Variants in EVC2 observed in about 807,000 individuals in gnomAD.
EVC2 encodes EvC ciliary complex subunit 2.
In EVC2, 148 loss-of-function variants were observed where a neutral mutation model predicts 149.3. The ratio of observed to expected loss-of-function variants is 0.99; its 90% CI spans 0.87 to 1.14. EVC2 has a LOEUF of 1.14. Among genes scored for constraint, EVC2 ranks in the 50% most tolerant of loss-of-function variants. The probability of loss-of-function intolerance (pLI) is 0.00; values close to 1 mark genes in which losing one functional copy is unlikely to be tolerated. For missense variants in EVC2, 1,854 were observed against 1,627.3 expected (o/e 1.14, Z -2.40); for synonymous variants, 776 against 649.9 (o/e 1.19, Z -2.95).
At chr4:5,592,502 C>T (rs1712900341) in intron 16 of EVC2, among the ~76,000 whole-genome samples, 1 of 152,170 alleles carries the variant, frequency 6.6e-6, no homozygotes, top group Non-Finnish European at 1.5e-5. Flanking sequence ...AGGTGGCCAT[C>T]AGGTGATGGT....
chr4:5,602,359 A>G (rs1714057006), intron 16 of EVC2, among the ~76,000 whole-genome samples: 2 of 151,462 alleles, frequency 1.3e-5, no homozygotes, highest in African/African-American at 4.8e-5. Context: ...ATAGAAAAGT[A>G]ACTAAAAAGG....
At chr4:5,634,408 T>A (rs1716755496) in intron 10 of EVC2, among the ~76,000 whole-genome samples, 1 of 152,176 alleles carries the variant, frequency 6.6e-6, no homozygotes, top group African/African-American at 2.4e-5. Flanking sequence ...AAAGCGACCT[T>A]CTTTTTTTGA....
intron 21 of EVC2, among the ~76,000 whole-genome samples, chr4:5,557,226 T>C (rs1721855047): frequency 6.6e-6 from 1 of 152,174 alleles, no homozygotes; most frequent in Non-Finnish European, 1.5e-5. Flanking sequence ...TGATACACCA[T>C]GACCAAGTGG....
At chr4:5,575,070 A>T (rs1722843142) in intron 18 of EVC2, among the ~76,000 whole-genome samples, 1 of 152,090 alleles carries the variant, frequency 6.6e-6, no homozygotes, top group Non-Finnish European at 1.5e-5. Flanking sequence ...CTGCTTTGAA[A>T]ACTCTGCATC....
intron 12 of EVC2, among the ~76,000 whole-genome samples, chr4:5,626,695 G>C (rs747009849): frequency 3.4e-4 from 51 of 152,156 alleles, no homozygotes; most frequent in Middle Eastern, 3.2e-3. Context: ...ATTTTAATCA[G>C]TGGACTCAGT....
At chr4:5,695,606 C>G (rs1721427174) in intron 2 of EVC2, among the ~76,000 whole-genome samples, 1 of 152,186 alleles carries the variant, frequency 6.6e-6, no homozygotes, top group African/African-American at 2.4e-5. Context: ...ACCAATCAGA[C>G]AGGGCTGTTG....
At chr4:5,551,371 C>T (rs1291216518) in intron 21 of EVC2, among the ~76,000 whole-genome samples, 1 of 152,206 alleles carries the variant, frequency 6.6e-6, no homozygotes, top group Non-Finnish European at 1.5e-5. Context: ...AATCAAAGGA[C>T]ATCATTTTGG....
chr4:5,691,445 C>G, intron 3 of EVC2, 112 bp from the exon 4 acceptor site: 1 of 799,612 alleles, frequency 1.3e-6, no homozygotes, highest in African/African-American at 1.7e-5. Context: ...ATTACTGCTA[C>G]TAATCCTTAA....
At position 5,693,806 on chromosome 4, in the gene EVC2, A is replaced by G. The variant is rs558210157; in HGVS notation, c.450+529T>C. On this transcript the variant is annotated intron_variant, in intron 3 of 21. Transcript: ENST00000344408. ...ACATAAAATCAGAATAGAAAACAACAGCAAGAGCACGGAGCTCTGCCACTT... is the reference window on the plus strand; with the variant it reads ...ACATAAAATCAGAATAGAAAACAACGGCAAGAGCACGGAGCTCTGCCACTT... 4.6e-5 allele frequency among the ~76,000 whole-genome samples: 7 copies of G among 152,372 alleles called. No homozygotes were observed. The East Asian group carries it at 9.6e-4, about 21-fold the overall frequency.
chr4:5,615,344 T>C (rs1715162087), intron 16 of EVC2, 78 bp downstream of exon 16: 2 of 1,606,582 alleles, frequency 1.2e-6, no homozygotes, highest in Admixed American at 3.4e-5. Context: ...GGGCTCTGTG[T>C]GCCTGCAAAT....
intron 16 of EVC2, among the ~76,000 whole-genome samples, chr4:5,610,707 G>C (rs145156368): frequency 6.6e-6 from 1 of 151,926 alleles, no homozygotes; most frequent in Non-Finnish European, 1.5e-5. Flanking sequence ...CTCACCTGCC[G>C]GGCTCACCTG....
chr4:5,595,798 A>C (rs1191214912), intron 16 of EVC2, among the ~76,000 whole-genome samples: 3 of 152,238 alleles, frequency 2.0e-5, no homozygotes, highest in Non-Finnish European at 4.4e-5. Flanking sequence ...GTCAAGACCC[A>C]TCTGTGTGCT....
At chr4:5,638,215 CCT>C (rs1395551636) in intron 10 of EVC2, among the ~76,000 whole-genome samples, 1 of 151,954 alleles carries the variant, frequency 6.6e-6, no homozygotes, top group Non-Finnish European at 1.5e-5. Flanking sequence ...ATGGCAAAAC[CCT>C]GTCTCTACTA....
At chr4:5,586,825 C>CA (rs1470991580) in intron 16 of EVC2, among the ~76,000 whole-genome samples, 1 of 152,164 alleles carries the variant, frequency 6.6e-6, no homozygotes, top group African/African-American at 2.4e-5. Flanking sequence ...CTCATGCCTC[C>CA]CGAAAATGTA....
intron 11 of EVC2, among the ~76,000 whole-genome samples, chr4:5,630,012 C>A (rs1309955106): frequency 6.6e-6 from 1 of 152,224 alleles, no homozygotes; most frequent in Non-Finnish European, 1.5e-5. Flanking sequence ...TGAGAGTCAG[C>A]CACTGCTCAT....
At chr4:5,595,794 AC>A in intron 16 of EVC2, among the ~76,000 whole-genome samples, 1 of 152,338 alleles carries the variant, frequency 6.6e-6, no homozygotes, top group Admixed American at 6.5e-5. Context: ...AAGAGTCAAG[AC>A]CCATCTGTGT....
rs761317948 is a variant in EVC2, at chr4:5,685,376, C to A, written c.810G>T (p.Ser270=). Residue 270 remains serine, a synonymous_variant, in exon 6 of 22, where the codon TCG becomes TCT. Coordinates refer to ENST00000344408, the MANE Select transcript of EVC2 (RefSeq NM_147127.5). ...KLPAQLTFQS[S]SRNRTQLKVL... ...AAAGTAACAAAGGTCATACCCGTGA[C>A]GAGCTCTGAAAGGTGAGTTGGGCAG... 66 of 1,614,004 alleles carry A rather than the reference C, an allele frequency of 4.1e-5. No individual in the cohort carries two copies. Among genetic ancestry groups the A allele is most frequent in the Non-Finnish European group, 5.3e-5 (63 of 1,179,972 alleles).
chr4:5,667,231 T>C (rs1719340524), intron 7 of EVC2, among the ~76,000 whole-genome samples: 1 of 152,100 alleles, frequency 6.6e-6, no homozygotes, highest in African/African-American at 2.4e-5. Flanking sequence ...GTGTAAATTA[T>C]AAAGAAAATC....
At chr4:5,661,504 A>G (rs1017452348) in intron 9 of EVC2, among the ~76,000 whole-genome samples, 3 of 152,230 alleles carry the variant, frequency 2.0e-5, no homozygotes, top group African/African-American at 7.2e-5. Context: ...TCTAGATAAC[A>G]GACACAGAAC....
Sources: gnomAD v4.1 joint callset for allele counts (sites outside exome capture counted in the v4.1 genomes callset) on GRCh38, gnomAD v4.1.1 for gene constraint, MANE v1.5 for transcripts, NCBI Gene and HGNC (gene_info 2026-07-23, HGNC 2026-07-21) for gene names.